Variants in DNMT3A observed in about 807,000 individuals in gnomAD.
DNMT3A encodes DNA (cytosine-5)-methyltransferase 3A.
Under a neutral mutation model 117.6 loss-of-function variants are expected in DNMT3A, and 267 were observed. The ratio of observed to expected loss-of-function variants is 2.27; its 90% CI spans 2.05 to 2.51. The LOEUF (loss-of-function observed/expected upper bound fraction) is 2.51. Ranked by LOEUF, DNMT3A falls within the 30% of genes most tolerant of loss-of-function variation. The pLI, the probability that DNMT3A is intolerant of heterozygous loss-of-function variation, is 0.00. For missense variants in DNMT3A, 1,029 were observed against 1,260.2 expected, an observed-to-expected ratio of 0.82 and a Z score of 2.78; for synonymous variants, 432 against 474.8, an observed-to-expected ratio of 0.91 and a Z score of 1.17.
At chr2:25,321,120 C>T (rs796800019) in intron 1 of DNMT3A, among the ~76,000 whole-genome samples, 1 of 149,690 alleles carries the variant, frequency 6.7e-6, no homozygotes, top group Non-Finnish European at 1.5e-5. Context: ...GCAACAAAAG[C>T]GAAACTCCGT....
At chr2:25,248,285 C>A in intron 6 of DNMT3A, 33 bp from the exon 7 acceptor site, 3 of 1,607,992 alleles carry the variant, frequency 1.9e-6, no homozygotes, top group Non-Finnish European at 2.5e-6. Context: ...GTCACCTTGA[C>A]CTCTCCAGGA....
At chr2:25,278,400 G>A (rs2031630078) in intron 4 of DNMT3A, among the ~76,000 whole-genome samples, 1 of 152,256 alleles carries the variant, frequency 6.6e-6, no homozygotes, top group Non-Finnish European at 1.5e-5. Flanking sequence ...GGCCTGAAAA[G>A]GGGCCCTATG....
At position 25,252,171 on chromosome 2, in the gene DNMT3A, CG is replaced by C; in HGVS notation, c.640-3920del. ...GCCGCCTCCCCGCCCCCGGTCTCCCCGGGGCTCCGTCCAGGAACCTACCCAT... is the reference window on the plus strand; with the variant it reads ...GCCGCCTCCCCGCCCCCGGTCTCCCCGGGCTCCGTCCAGGAACCTACCCAT... On this transcript the variant is annotated intron_variant, in intron 6 of 22. Transcript: ENST00000321117. This position sits in a 1 kb window ranked among gnomAD's most constrained non-coding sequence, Gnocchi z 5.5. The C allele has an allele frequency of 6.4e-7, 1 of 1,560,468 alleles. No homozygotes were observed. Among genetic ancestry groups the C allele is most frequent in the Admixed American group, 1.9e-5 (1 of 53,160 alleles).
Position 25,232,150 on chromosome 2 carries a change from T to C in DNMT3A, c.*2129A>G, listed in dbSNP as rs941853934. The C allele has an allele frequency of 2.0e-5, 3 of 152,172 alleles. No homozygotes were observed. The highest frequency in any genetic ancestry group is 7.2e-5 in the African/African-American group (3 of 41,432). The allele number at this position is 152,172 out of a possible 1,614,324, so 9.4% of individuals were successfully genotyped here. On this transcript the variant is annotated 3_prime_UTR_variant, in exon 23 of 23. Transcript: ENST00000321117. The surrounding 1 kb of genome is among the most constrained non-coding windows in gnomAD (Gnocchi z 4.1). Reference sequence around the variant, plus strand: ...TATGTATTTATAGAGCGCCTATCACTGTAGGCCCCATCTTTCTAGGGACGT... The same window carrying C: ...TATGTATTTATAGAGCGCCTATCACCGTAGGCCCCATCTTTCTAGGGACGT...
In DNMT3A at chr2:25,286,005, C is replaced by A. The variant is rs910879817; in HGVS notation, c.178-3294G>T. On this transcript the variant is annotated intron_variant, in intron 3 of 22. Transcript: ENST00000321117. This position sits in a 1 kb window ranked among gnomAD's most constrained non-coding sequence, Gnocchi z 4.3. ...CTAAGAAGCTTAGGTCAGAGCCAGA[C>A]TTTTTCATGGCTGCGTCTTCCTTTC... 6.6e-6 allele frequency among the ~76,000 whole-genome samples: 1 copy of A among 152,246 alleles called. No individual in the cohort carries two copies. Among genetic ancestry groups the A allele is most frequent in the Admixed American group, 6.5e-5 (1 of 15,286 alleles).
chr2:25,341,685 G>A, intron 1 of DNMT3A, 141 bp downstream of exon 1: 5 of 541,478 alleles, frequency 9.2e-6, no homozygotes, highest in Non-Finnish European at 1.2e-5. Flanking sequence ...CCGGCCCCAC[G>A]GGCGCCCGGC....
chr2:25,235,697 A>C lies in DNMT3A; in HGVS notation c.2597+10T>G. On this transcript the variant is annotated intron_variant, in intron 22 of 22. Transcript: ENST00000321117. ...CACACCGCAGCCAGATGCCAGCACA[A>C]CCCGGGTACCTTTCCATTTCAGTGC... 3.6e-4 allele frequency: 565 copies of C among 1,561,044 alleles called. No individual in the cohort carries two copies. The highest frequency in any genetic ancestry group is 4.6e-4 in the Non-Finnish European group (525 of 1,132,892).
chr2:25,247,059 C>T lies in DNMT3A; in HGVS notation c.1114G>A (p.Val372Ile), dbSNP rs371677904. Residue 372 changes from valine to isoleucine, a missense_variant, in exon 9 of 23, where the codon GTC (valine) becomes ATC (isoleucine). Physicochemically the swap from Val to Ile is conservative, Grantham distance 29 (BLOSUM62 3). Coordinates refer to ENST00000321117, the MANE Select transcript of DNMT3A (RefSeq NM_022552.5). The surrounding 1 kb of genome is among the most constrained non-coding windows in gnomAD (Gnocchi z 5.6). ...QPMYRKAIYE[V>I]LQVASSRAGK... ...CCAGCAGGGACACTCACCTGCAGGACCTCGTAGATGGCTTTGCGGTACATG... is the reference window on the plus strand; with the variant it reads ...CCAGCAGGGACACTCACCTGCAGGATCTCGTAGATGGCTTTGCGGTACATG... The T allele has an allele frequency of 2.9e-5, 47 of 1,613,882 alleles. No individual in the cohort carries two copies. Among genetic ancestry groups the T allele is most frequent in the Non-Finnish European group, 3.9e-5 (46 of 1,179,930 alleles).
chr2:25,292,844 C>T (rs1003659767), intron 3 of DNMT3A, among the ~76,000 whole-genome samples: 2 of 152,024 alleles, frequency 1.3e-5, no homozygotes, highest in East Asian at 1.9e-4. Context: ...ATGGGTGTGC[C>T]GGCGCGTACC....
At chr2:25,288,807 A>G (rs2032519697) in intron 3 of DNMT3A, among the ~76,000 whole-genome samples, 1 of 152,096 alleles carries the variant, frequency 6.6e-6, no homozygotes, top group Non-Finnish European at 1.5e-5. Context: ...CCTCTCCCCC[A>G]GTCACCACTC....
Position 25,257,114 on chromosome 2 carries a change from G to A in DNMT3A, c.640-8862C>T, listed in dbSNP as rs188759287. On this transcript the variant is annotated intron_variant, in intron 6 of 22. Coordinates refer to ENST00000321117, the MANE Select transcript of DNMT3A (RefSeq NM_022552.5). This position sits in a 1 kb window ranked among gnomAD's most constrained non-coding sequence, Gnocchi z 4.8. ...TTCCCTTGCAATCCATATGGAGGTTGCAAGCAAATGACCAGGACTGGGCTG... is the reference window on the plus strand; with the variant it reads ...TTCCCTTGCAATCCATATGGAGGTTACAAGCAAATGACCAGGACTGGGCTG... 6.6e-5 allele frequency among the ~76,000 whole-genome samples: 10 copies of A among 152,352 alleles called. No individual in the cohort carries two copies. The highest frequency in any genetic ancestry group is 2.4e-4 in the African/African-American group (10 of 41,582).
chr2:25,316,855 T>A (rs2149432914), intron 1 of DNMT3A, among the ~76,000 whole-genome samples: 1 of 144,746 alleles, frequency 6.9e-6, no homozygotes, highest in East Asian at 2.0e-4. Context: ...CCTTTTAGAG[T>A]CCACAGTGAC....
chr2:25,288,579 G>C (rs1460244971), intron 3 of DNMT3A, among the ~76,000 whole-genome samples: 21 of 152,010 alleles, frequency 1.4e-4, no homozygotes, highest in Admixed American at 1.4e-3. Flanking sequence ...CAAAGTGCTG[G>C]GATTACAGGC....
chr2:25,246,814 A>C, intron 9 of DNMT3A, 38 bp from the exon 10 acceptor site: 1 of 1,604,948 alleles, frequency 6.2e-7, no homozygotes, highest in Non-Finnish European at 8.5e-7. Flanking sequence ...TTGTCAGGAC[A>C]GGCTGGAAGG....
At chr2:25,259,046 C>T (rs1055875687) in intron 6 of DNMT3A, among the ~76,000 whole-genome samples, 1 of 152,234 alleles carries the variant, frequency 6.6e-6, no homozygotes, top group Non-Finnish European at 1.5e-5. Flanking sequence ...GAGCCCCTGG[C>T]TCCCTCGTTC....
At chr2:25,238,782 C>A (rs1673640819) in intron 20 of DNMT3A, among the ~76,000 whole-genome samples, 2 of 152,206 alleles carry the variant, frequency 1.3e-5, no homozygotes, top group African/African-American at 4.8e-5. Context: ...CAAAGCCATG[C>A]CCCATGGCTT....
intron 17 of DNMT3A, among the ~76,000 whole-genome samples, 153 bp downstream of exon 17, chr2:25,241,409 G>A (rs993480647): frequency 4.6e-5 from 7 of 152,206 alleles, no homozygotes; most frequent in African/African-American, 1.7e-4. Context: ...TCTCAAGACA[G>A]AGGACAAATG....
At chr2:25,256,745 TG>T (rs1330930791) in intron 6 of DNMT3A, among the ~76,000 whole-genome samples, 2 of 151,760 alleles carry the variant, frequency 1.3e-5, no homozygotes, top group Non-Finnish European at 2.9e-5. Context: ...ACCCCATCCC[TG>T]CCACACTCCC....
At position 25,228,750 on chromosome 2, in the gene DNMT3A, T is replaced by G. The variant is rs563575115; in HGVS notation, c.*5529A>C. 2.6e-4 allele frequency: 39 copies of G among 152,338 alleles called. 1 individual carries two copies. In the South Asian group the frequency reaches 8.1e-3, roughly 32 times the overall value. 9.4% of individuals were successfully genotyped at this position (152,338 alleles called of 1,614,324 possible). A position where few individuals can be genotyped will look rare whatever the true frequency, so the allele number is the denominator to read the frequency against. On this transcript the variant is annotated 3_prime_UTR_variant, in exon 23 of 23. Coordinates refer to ENST00000321117, the MANE Select transcript of DNMT3A (RefSeq NM_022552.5). ...TGAGTCACCTCCTCCCTCTGCGTATTCTAAGGAATTTCAGCATTTTTGTTG... is the reference window on the plus strand; with the variant it reads ...TGAGTCACCTCCTCCCTCTGCGTATGCTAAGGAATTTCAGCATTTTTGTTG...
Sources: gnomAD v4.1 joint callset for allele counts (sites outside exome capture counted in the v4.1 genomes callset) on GRCh38, gnomAD v4.1.1 for gene constraint, Gnocchi (gnomAD v3.1) non-coding constraint, MANE v1.5 for transcripts, NCBI Gene and HGNC (gene_info 2026-07-23, HGNC 2026-07-21) for gene names.